Variants in BLTP1 observed in about 807,000 individuals in gnomAD.
BLTP1 encodes bridge-like lipid transfer protein family member 1, also known as fragile site-associated protein.
At chr4:122,349,707 T>G in the BLTP1 span, 1 of 1,539,876 alleles carries the variant, frequency 6.5e-7, no homozygotes, top group Non-Finnish European at 8.7e-7. This position sits in a 1 kb window ranked among gnomAD's most constrained non-coding sequence, Gnocchi z 4.5. Flanking sequence ...GTCTATCATC[T>G]GGTGAGAAAA....
the BLTP1 span, chr4:122,261,592 AGAATTAAATCT>A: frequency 2.0e-6 from 2 of 984,322 alleles, no homozygotes; most frequent in South Asian, 9.4e-5. Context: ...AGCTCTCCAG[AGAATTAAATCT>A]TAACACACCT....
At chr4:122,331,083 T>C in the BLTP1 span, 12 of 965,388 alleles carry the variant, frequency 1.2e-5, no homozygotes, top group Non-Finnish European at 1.5e-5. Context: ...ATACTGATAT[T>C]CAGACTCCTT....
At chr4:122,339,914 T>C in the BLTP1 span, among the ~76,000 whole-genome samples, 12 of 152,268 alleles carry the variant, frequency 7.9e-5, no homozygotes, top group East Asian at 2.3e-3. Context: ...TTCATAAAGG[T>C]TTTGTTTTTA....
At chr4:122,237,690 C>T in the BLTP1 span, 1 of 670,990 alleles carries the variant, frequency 1.5e-6, no homozygotes, top group Non-Finnish European at 1.8e-6. Flanking sequence ...TAACAAATTG[C>T]TATATGGAAT....
chr4:122,316,848 A>G, the BLTP1 span: 6 of 1,598,510 alleles, frequency 3.8e-6, no homozygotes, highest in African/African-American at 5.4e-5. Flanking sequence ...AGGCCAAAGT[A>G]ATAGATGATC....
chr4:122,306,731 A>T, the BLTP1 span: 1 of 907,826 alleles, frequency 1.1e-6, no homozygotes, highest in African/African-American at 1.8e-5. Context: ...AGTAGGTTTC[A>T]TAGAAGAAAA....
chr4:122,272,246 C>T, the BLTP1 span: 7 of 1,613,234 alleles, frequency 4.3e-6, no homozygotes, highest in East Asian at 2.2e-5. Flanking sequence ...TCAGAGGAAA[C>T]GTAGCTTGGT....
the BLTP1 span, chr4:122,187,383 G>C: frequency 4.4e-6 from 7 of 1,603,904 alleles, 1 homozygote; most frequent in South Asian, 6.7e-5. Context: ...TATGTCCTCA[G>C]GTATTTAAGG....
At chr4:122,279,225 A>G in the BLTP1 span, among the ~76,000 whole-genome samples, 7 of 152,256 alleles carry the variant, frequency 4.6e-5, no homozygotes, top group South Asian at 2.1e-4. Flanking sequence ...GAAGTTGTCT[A>G]TGGTGTTGGC....
chr4:122,258,637 G>A, the BLTP1 span: 1 of 1,543,548 alleles, frequency 6.5e-7, no homozygotes. Context: ...AGAAACATAG[G>A]GGCTGATGTT....
At chr4:122,213,974 A>C in the BLTP1 span, among the ~76,000 whole-genome samples, 1 of 152,200 alleles carries the variant, frequency 6.6e-6, no homozygotes, top group Admixed American at 6.5e-5. Flanking sequence ...CAGTGGTAGC[A>C]AATAACTGCA....
At chr4:122,167,551 C>A in the BLTP1 span, 1 of 434,456 alleles carries the variant, frequency 2.3e-6, no homozygotes, top group Non-Finnish European at 3.1e-6. Context: ...GTTGCTTCTC[C>A]TGTGCCGCCT....
At chr4:122,360,148 A>G in the BLTP1 span, 1 of 625,342 alleles carries the variant, frequency 1.6e-6, no homozygotes, top group Non-Finnish European at 2.0e-6. Flanking sequence ...TATATATGTC[A>G]TAACACTGTA....
At chr4:122,209,699 A>T in the BLTP1 span, 1 of 1,268,004 alleles carries the variant, frequency 7.9e-7, no homozygotes, top group Non-Finnish European at 1.1e-6. Flanking sequence ...TTGTGCTTAT[A>T]TGTGGAGAAA....
At chr4:122,231,836 AT>A in the BLTP1 span, 1 of 968,424 alleles carries the variant, frequency 1.0e-6, no homozygotes, top group Non-Finnish European at 1.2e-6. Flanking sequence ...CCTGGGGTCC[AT>A]TTTTCTGGTT....
At chr4:122,188,494 A>C in the BLTP1 span, among the ~76,000 whole-genome samples, 6 of 152,226 alleles carry the variant, frequency 3.9e-5, no homozygotes, top group South Asian at 1.0e-3. Flanking sequence ...TGAAAGTCGA[A>C]AATTGAATCG....
At chr4:122,246,614 T>C in the BLTP1 span, 1 of 1,546,496 alleles carries the variant, frequency 6.5e-7, no homozygotes, top group East Asian at 2.3e-5. Flanking sequence ...GTTTTTCATT[T>C]TTGTGCATAT....
the BLTP1 span, chr4:122,197,874 T>C: frequency 4.4e-6 from 3 of 680,186 alleles, no homozygotes; most frequent in South Asian, 6.6e-5. Context: ...TAAATACTTT[T>C]TGTTAAATTT....
At chr4:122,343,843 C>T in the BLTP1 span, 6 of 577,140 alleles carry the variant, frequency 1.0e-5, no homozygotes, top group African/African-American at 8.1e-5. Flanking sequence ...GCGGTATACA[C>T]AGCACAGTAA....
Sources: allele counts gnomAD v4.1 joint callset (sites outside exome capture counted in the v4.1 genomes callset), GRCh38; gene constraint gnomAD v4.1.1; non-coding constraint Gnocchi (gnomAD v3.1); transcripts MANE v1.5; gene names NCBI Gene and HGNC (gene_info 2026-07-23, HGNC 2026-07-21).